The following RRN3 variants were observed in gnomAD, a reference collection of about 807,000 sequenced individuals.
RRN3 encodes the protein RNA polymerase I transcription factor RRN3.
In RRN3, 38 loss-of-function variants were observed where a neutral mutation model predicts 82.3. The ratio of observed to expected loss-of-function variants is 0.46; its 90% CI spans 0.36 to 0.61. The LOEUF (loss-of-function observed/expected upper bound fraction) is 0.61, where lower values mean the gene tolerates loss of function less well. RRN3 is among the 20% of genes least tolerant of loss of function. RRN3 has a pLI of 0.00. For synonymous variants in RRN3, 284 were observed against 284.3 expected (o/e 1.00, Z 0.01); for missense variants, 726 against 793.1 (o/e 0.92, Z 1.02).
intron 7 of RRN3, among the ~76,000 whole-genome samples, 158 bp downstream of exon 7, chr16:15,084,484 G>C (rs1038280220): frequency 2.0e-5 from 3 of 152,016 alleles, no homozygotes; most frequent in African/African-American, 7.3e-5. Context: ...AAATGGAAAT[G>C]CCACTTTTTG....
chr16:15,061,957 C>A, intron 17 of RRN3, 52 bp from the exon 18 acceptor site: 1 of 1,525,576 alleles, frequency 6.6e-7, no homozygotes, highest in Non-Finnish European at 9.0e-7. Context: ...GACTGAAAAG[C>A]TTTCAACAAT....
chr16:15,080,962 T>C (rs1021301340), intron 8 of RRN3, among the ~76,000 whole-genome samples: 1 of 152,202 alleles, frequency 6.6e-6, no homozygotes, highest in Non-Finnish European at 1.5e-5. Context: ...GGTTCAATCA[T>C]GTTGTAACAT....
At chr16:15,066,759 T>A (rs1359061664) in intron 15 of RRN3, among the ~76,000 whole-genome samples, 2 of 150,956 alleles carry the variant, frequency 1.3e-5, no homozygotes, top group Non-Finnish European at 3.0e-5. Flanking sequence ...TATGGTTCAA[T>A]CTCAAAAGCA....
intron 12 of RRN3, among the ~76,000 whole-genome samples, 162 bp from the exon 13 acceptor site, chr16:15,071,413 A>G (rs1452291143): frequency 6.6e-6 from 1 of 152,232 alleles, no homozygotes; most frequent in African/African-American, 2.4e-5. Context: ...AATATCATTA[A>G]AAACAAAAGG....
Position 15,065,429 on chromosome 16 carries a change from C to A in RRN3, c.1554-58G>T, listed in dbSNP as rs1477608025. 2.0e-6 allele frequency: 3 copies of A among 1,492,810 alleles called. No homozygotes were observed. In the African/African-American group the frequency reaches 4.2e-5, roughly 21 times the overall value. 92.5% of individuals were successfully genotyped at this position (1,492,810 alleles called of 1,614,324 possible). On this transcript the variant is annotated intron_variant, in intron 15 of 17. Coordinates refer to ENST00000198767, the MANE Select transcript of RRN3 (RefSeq NM_018427.5). ...ATTAACATGCTGGAGTGACTCGGTG[C>A]AGATGTGAGCTGCGTGTGACAACTG...
chr16:15,075,054 A>G (rs2045393447), intron 10 of RRN3, among the ~76,000 whole-genome samples, 193 bp from the exon 11 acceptor site: 1 of 152,096 alleles, frequency 6.6e-6, no homozygotes, highest in Non-Finnish European at 1.5e-5. Flanking sequence ...GTTTGAGACC[A>G]GCCTGGCCAA....
At chr16:15,088,091 G>A (rs1228570437) in intron 3 of RRN3, among the ~76,000 whole-genome samples, 2 of 151,942 alleles carry the variant, frequency 1.3e-5, no homozygotes, top group Non-Finnish European at 2.9e-5. Flanking sequence ...ACTCCAGCCT[G>A]GGCAACAAGA....
intron 10 of RRN3, among the ~76,000 whole-genome samples, chr16:15,075,963 CTGAT>C (rs2045436697): frequency 6.6e-6 from 1 of 152,190 alleles, no homozygotes; most frequent in Non-Finnish European, 1.5e-5. Flanking sequence ...GAACCAATGA[CTGAT>C]TGACAAGGCA....
At chr16:15,081,790 T>C (rs1230270659) in intron 8 of RRN3, among the ~76,000 whole-genome samples, 1 of 152,238 alleles carries the variant, frequency 6.6e-6, no homozygotes, top group Non-Finnish European at 1.5e-5. Context: ...TCTCAGAGTT[T>C]TACAGTTTTT....
rs539383936 is a variant in RRN3 at position 15,079,013 on chromosome 16, T to C, written c.765+985A>G. Among the ~76,000 whole-genome samples the C allele has an allele frequency of 5.3e-5, 8 of 152,262 alleles. 1 individual carries two copies. The East Asian group carries it at 1.5e-3, about 29-fold the overall frequency. On this transcript the variant is annotated intron_variant, in intron 9 of 17. Transcript: ENST00000198767. The stretch of plus-strand genomic sequence containing the variant: ...TTTTTAGTGAGACAGAGTTTCACCA[T>C]GTTAGCCAGGATGGTCTCGATCTCC...
chr16:15,066,380 C>T (rs574181829), intron 15 of RRN3, among the ~76,000 whole-genome samples: 1 of 152,272 alleles, frequency 6.6e-6, no homozygotes, highest in Admixed American at 6.5e-5. Context: ...CACCTGTAAT[C>T]CCAGCACTTT....
intron 9 of RRN3, 96 bp downstream of exon 9, chr16:15,079,902 G>C (rs2045625756): frequency 7.5e-7 from 1 of 1,332,706 alleles, no homozygotes. Flanking sequence ...TGGCCAAGTG[G>C]ATTCTTTTCT....
chr16:15,087,670 T>C (rs7405315), intron 3 of RRN3, among the ~76,000 whole-genome samples: 74,079 of 152,030 alleles, frequency 0.49, 19,737 homozygotes, highest in Non-Finnish European at 0.6. Flanking sequence ...CCACAACTGT[T>C]AAGGATAACA....
chr16:15,094,171 A>C lies in RRN3; in HGVS notation c.63T>G (p.Val21=), dbSNP rs3204898. ...PGDAAASSSA[V]KKLGASRTGI... is the part of the protein sequence containing the mutation. ...CAGTCCTCGACGCGCCCAGCTTCTT[A>C]ACTGCAGAGGACGAAGCGGCCGCAT... is the stretch of plus-strand genomic sequence containing the variant. Residue 21 remains valine, a synonymous_variant, in exon 1 of 18, where the codon GTT becomes GTG. Transcript: ENST00000198767. The C allele has an allele frequency of 3.1e-6, 5 of 1,602,510 alleles. No homozygotes were observed. In the South Asian group the frequency reaches 5.6e-5, roughly 18 times the overall value.
At chr16:15,077,945 A>G (rs1395248934) in intron 9 of RRN3, among the ~76,000 whole-genome samples, 1 of 152,228 alleles carries the variant, frequency 6.6e-6, no homozygotes, top group Non-Finnish European at 1.5e-5. Context: ...ACACTCACAG[A>G]CACATTGTGT....
chr16:15,061,748 A>G lies in RRN3; in HGVS notation c.1952T>C (p.Leu651Pro). ...PPVLYMQPSP[L>P] ...CTCAGTCACAAATTTCTGCCGTCAGAGGGGACTGGGTTGCATGTACAACAC... is the reference window on the plus strand; with the variant it reads ...CTCAGTCACAAATTTCTGCCGTCAGGGGGGACTGGGTTGCATGTACAACAC... The change falls in exon 18 of 18, where the codon CTC becomes CCC. Residue 651 changes from leucine (L) to proline (P), a missense_variant. Around this residue, in one of 4 missense-constraint regions of RRN3, gnomAD observed 166 missense variants for 154.8 expected, o/e 1.07. Transcript: ENST00000198767. 1 of 1,606,818 alleles carries G rather than the reference A, an allele frequency of 6.2e-7. No homozygotes were observed. Among genetic ancestry groups the G allele is most frequent in the Non-Finnish European group, 8.5e-7 (1 of 1,174,008 alleles).
Position 15,061,641 on chromosome 16 carries a change from C to A in RRN3, c.*103G>T. On this transcript the variant is annotated 3_prime_UTR_variant, in exon 18 of 18. Transcript: ENST00000198767. Reference sequence around the variant, plus strand: ...GCCACAGCCGAGGCAGGCACTCGCTCTAGTTCAATGCCATCAATGCCCAAT... The same window carrying A: ...GCCACAGCCGAGGCAGGCACTCGCTATAGTTCAATGCCATCAATGCCCAAT... 3 of 1,137,520 alleles carry A rather than the reference C, an allele frequency of 2.6e-6. No homozygotes were observed. Among genetic ancestry groups the A allele is most frequent in the Non-Finnish European group, 3.8e-6 (3 of 784,764 alleles). The allele number at this position is 1,137,520 out of a possible 1,614,324, so 70.5% of individuals were successfully genotyped here.
At chr16:15,075,437 G>C (rs932444339) in intron 10 of RRN3, among the ~76,000 whole-genome samples, 1 of 151,754 alleles carries the variant, frequency 6.6e-6, no homozygotes, top group Non-Finnish European at 1.5e-5. Context: ...GCTGGGTGCG[G>C]TGGTACACTG....
intron 15 of RRN3, 117 bp from the exon 16 acceptor site, chr16:15,065,488 G>C (rs1597879254): frequency 1.3e-6 from 1 of 752,456 alleles, no homozygotes; most frequent in Non-Finnish European, 2.1e-6. Flanking sequence ...AATATAACAA[G>C]TGCTAGTAAA....
Sources: allele counts gnomAD v4.1 joint callset (sites outside exome capture counted in the v4.1 genomes callset), GRCh38; gene constraint gnomAD v4.1.1; regional missense constraint gnomAD v4.1.1; transcripts MANE v1.5; gene names NCBI Gene and HGNC (gene_info 2026-07-23, HGNC 2026-07-21).